Variants in MYH10 observed in about 807,000 individuals in gnomAD.
MYH10 encodes myosin-10.
Under a neutral mutation model 257.8 loss-of-function variants are expected in MYH10, and 55 were observed. That is an observed-to-expected ratio of 0.21 (90% CI 0.17 to 0.27). The LOEUF (loss-of-function observed/expected upper bound fraction) is 0.27. Ranked by LOEUF, MYH10 falls within the 10% of genes least tolerant of loss-of-function variation. The pLI is 1.00. For missense variants in MYH10, 1,631 were observed against 2,500.6 expected (o/e 0.65, Z 7.42); for synonymous variants, 854 against 921.7 (o/e 0.93, Z 1.33).
intron 17 of MYH10, among the ~76,000 whole-genome samples, chr17:8,526,301 G>A (rs145029752): frequency 0.011 from 1,615 of 152,284 alleles, 30 homozygotes; most frequent in African/African-American, 0.037. Flanking sequence ...CAGAAAATGC[G>A]AAGAGAAGAC....
At chr17:8,602,931 C>T (rs562547609) in intron 3 of MYH10, among the ~76,000 whole-genome samples, 1 of 152,150 alleles carries the variant, frequency 6.6e-6, no homozygotes, top group Non-Finnish European at 1.5e-5. Flanking sequence ...TATTCTAGCA[C>T]TAAAAATGAT....
At position 8,619,860 on chromosome 17, in the gene MYH10, G is replaced by A. The variant is rs191485305; in HGVS notation, c.345+3042C>T. On this transcript the variant is annotated intron_variant, in intron 2 of 42. Coordinates refer to ENST00000360416, the MANE Select transcript of MYH10 (RefSeq NM_001256012.3). ...AGAATCACTTGAACCGGGAGGCGGA[G>A]GTTGCGATGAGCCGAGATCGCACCA... Among the ~76,000 whole-genome samples the A allele has an allele frequency of 8.9e-4, 136 of 152,118 alleles. 1 individual carries two copies. The highest frequency in any genetic ancestry group is 3.1e-3 in the African/African-American group (128 of 41,474).
At chr17:8,486,228 G>A (rs1036751317) in intron 36 of MYH10, among the ~76,000 whole-genome samples, 4 of 152,164 alleles carry the variant, frequency 2.6e-5, no homozygotes, top group Admixed American at 6.5e-5. Flanking sequence ...TTTTGGGAGG[G>A]ACCAAAATGC....
rs535259525 is a variant in MYH10, at chr17:8,476,981, G to A, written c.5774C>T (p.Thr1925Met). 46 of 1,614,036 alleles carry A rather than the reference G, an allele frequency of 2.9e-5. No homozygotes were observed. Among genetic ancestry groups the A allele is most frequent in the Non-Finnish European group, 3.6e-5 (43 of 1,180,048 alleles). The part of the protein sequence containing the change: ...RQLEEAEEEA[T>M]RANASRRKLQ... ...TTTACGCCGAGATGCGTTGGCACGC[G>A]TCGCTTCTTCTTCTGCTTCCTCCAG... Residue 1925 changes from threonine to methionine, a missense_variant, in exon 42 of 43, where the codon ACG (threonine) becomes ATG (methionine). Transcript: ENST00000360416.
intron 37 of MYH10, among the ~76,000 whole-genome samples, chr17:8,483,923 A>G (rs1435197017): frequency 3.3e-5 from 5 of 152,242 alleles, no homozygotes; most frequent in Non-Finnish European, 7.3e-5. Context: ...GTAGAGGAAT[A>G]TATGTGAGCA....
At chr17:8,598,396 G>C (rs1345819834) in intron 3 of MYH10, among the ~76,000 whole-genome samples, 1 of 152,120 alleles carries the variant, frequency 6.6e-6, no homozygotes, top group East Asian at 1.9e-4. Context: ...CCAGCTCTTA[G>C]TTGTACTTAC....
At position 8,477,155 on chromosome 17, in the gene MYH10, G is replaced by A; in HGVS notation, c.5707-107C>T. 1.5e-6 allele frequency: 2 copies of A among 1,300,666 alleles called. No homozygotes were observed. Among genetic ancestry groups the A allele is most frequent in the South Asian group, 1.3e-5 (1 of 76,142 alleles). 80.6% of individuals were successfully genotyped at this position (1,300,666 alleles called of 1,614,324 possible). On this transcript the variant is annotated intron_variant, in intron 41 of 42. Coordinates refer to ENST00000360416, the MANE Select transcript of MYH10 (RefSeq NM_001256012.3). The surrounding 1 kb of genome is among the most constrained non-coding windows in gnomAD (Gnocchi z 4.2). ...GGGGCTCTGCCTGTTACCCTTGTGA[G>A]CACGCGTGTACACGGATGTACACGC... is the stretch of plus-strand genomic sequence containing the variant.
chr17:8,579,955 C>T (rs1050615912), intron 4 of MYH10, among the ~76,000 whole-genome samples: 3 of 152,078 alleles, frequency 2.0e-5, no homozygotes, highest in African/African-American at 7.2e-5. Flanking sequence ...CATTCATTCT[C>T]AGGTGATATA....
In MYH10 at chr17:8,478,418, G is replaced by A. The variant is rs1913067955; in HGVS notation, c.5626C>T (p.Arg1876Cys). The part of the protein sequence containing the change: ...KERAAANKLV[R>C]RTEKKLKEIF... ...TCTTTCAGCTTCTTCTCAGTGCGACGGACTAATTTGTTGGCGGCTGCTCGT... is the reference window on the plus strand; with the variant it reads ...TCTTTCAGCTTCTTCTCAGTGCGACAGACTAATTTGTTGGCGGCTGCTCGT... The change falls in exon 41 of 43, where the codon CGT (arginine) becomes TGT (cysteine). Residue 1876 changes from arginine to cysteine, a missense_variant. This residue lies in a region of MYH10 where 343 missense variants were observed against 389.5 expected (regional missense o/e 0.88). Transcript: ENST00000360416. 8 of 1,614,202 alleles carry A rather than the reference G, an allele frequency of 5.0e-6. No homozygotes were observed. The highest frequency in any genetic ancestry group is 6.8e-6 in the Non-Finnish European group (8 of 1,180,046).
At chr17:8,584,241 T>A (rs1472526080) in intron 4 of MYH10, among the ~76,000 whole-genome samples, 1 of 152,180 alleles carries the variant, frequency 6.6e-6, no homozygotes, top group East Asian at 1.9e-4. Context: ...TGGGGAACTA[T>A]GGGCAGATAA....
At chr17:8,530,545 TG>T (rs1288158815) in intron 17 of MYH10, 77 bp downstream of exon 17, 2 of 57,306 alleles carry the variant, frequency 3.5e-5, no homozygotes, top group Non-Finnish European at 7.0e-5. Context: ...CCGGCCACCC[TG>T]CCAGTCCCCC....
chr17:8,552,090 T>C lies in MYH10; in HGVS notation c.875A>G (p.His292Arg). The change falls in exon 9 of 43, where the codon CAT becomes CGT. Residue 292 changes from histidine to arginine, a missense_variant. By Grantham distance (29) the His-to-Arg change is conservative. Around this residue, in one of 11 missense-constraint regions of MYH10, gnomAD observed 360 missense variants for 581.9 expected, o/e 0.62. Transcript: ENST00000360416. The surrounding 1 kb of genome is among the most constrained non-coding windows in gnomAD (Gnocchi z 4.8). ...TCCAGATAACAACTGGTAAAAGATATGAAAAGTACGTTCATCTTTTGCTTG... is the reference window on the plus strand; with the variant it reads ...TCCAGATAACAACTGGTAAAAGATACGAAAAGTACGTTCATCTTTTGCTTG... ...VRQAKDERTF[H>R]IFYQLLSGAG... is the part of the protein sequence containing the mutation. The C allele has an allele frequency of 6.4e-7, 1 of 1,564,626 alleles. No homozygotes were observed. Among genetic ancestry groups the C allele is most frequent in the Non-Finnish European group, 8.7e-7 (1 of 1,151,094 alleles).
At chr17:8,495,283 A>G (rs1331351202) in intron 30 of MYH10, 42 bp from the exon 31 acceptor site, 3 of 1,258,848 alleles carry the variant, frequency 2.4e-6, no homozygotes, top group Non-Finnish European at 3.5e-6. Context: ...ATAGTAAGCA[A>G]GCAGAAAGGG....
rs375815298 is a variant in MYH10 at position 8,623,509 on chromosome 17, AAAAAGAAAAG to A, written c.-31-242_-31-233del. ...TTTGCCCTCAGTTACTGAGGGCAAA[AAAAAGAAAAG>A]AAAAGAAAAGAAAAGGCAAAGTTAC... On this transcript the variant is annotated intron_variant, in intron 1 of 42. Coordinates refer to ENST00000360416, the MANE Select transcript of MYH10 (RefSeq NM_001256012.3). 5.9e-5 allele frequency: 15 copies of A among 253,964 alleles called. No individual in the cohort carries two copies. The South Asian group carries it at 2.4e-3, about 40-fold the overall frequency. 15.7% of individuals were successfully genotyped at this position (253,964 alleles called of 1,614,324 possible).
In MYH10 at chr17:8,480,110, T is replaced by G; in HGVS notation, c.5597A>C (p.Lys1866Thr). The change falls in exon 40 of 43, where the codon AAG (lysine) becomes ACG (threonine). Residue 1866 changes from lysine to threonine, a missense_variant and splice_region_variant. By Grantham distance (78) the Lys-to-Thr change is moderately conservative. Coordinates refer to ENST00000360416, the MANE Select transcript of MYH10 (RefSeq NM_001256012.3). ...GTTTACGGTAGCAAAAACCTCTTACTTGGCTTCCTGCTCAAGCTGCTCCTC... is the reference window on the plus strand; with the variant it reads ...GTTTACGGTAGCAAAAACCTCTTACGTGGCTTCCTGCTCAAGCTGCTCCTC... ...QLEEQLEQEA[K>T]ERAAANKLVR... The G allele has an allele frequency of 6.2e-7, 1 of 1,614,064 alleles. No homozygotes were observed. Among genetic ancestry groups the G allele is most frequent in the Non-Finnish European group, 8.5e-7 (1 of 1,179,966 alleles).
In MYH10 at chr17:8,561,597, T is replaced by G. The variant is rs147761855; in HGVS notation, c.757-7579A>C. On this transcript the variant is annotated intron_variant, in intron 7 of 42. Transcript: ENST00000360416. ...TGTAAGGAGCTGAGTTCTTAAAGAC[T>G]GAAGACAGACTATTCTCTGGAGAAA... 2.0e-4 allele frequency: 153 copies of G among 768,972 alleles called. 1 individual carries two copies. The African/African-American group carries it at 2.2e-3, about 11-fold the overall frequency. 47.6% of individuals were successfully genotyped at this position (768,972 alleles called of 1,614,324 possible). A position where few individuals can be genotyped will look rare whatever the true frequency, so the allele number is the denominator to read the frequency against.
Position 8,504,251 on chromosome 17 carries a change from T to G in MYH10, c.3599+443A>C, listed in dbSNP as rs1377941086. 1.3e-5 allele frequency among the ~76,000 whole-genome samples: 2 copies of G among 151,982 alleles called. No individual in the cohort carries two copies. The highest frequency in any genetic ancestry group is 2.9e-5 in the Non-Finnish European group (2 of 67,958). On this transcript the variant is annotated intron_variant, in intron 28 of 42. Coordinates refer to ENST00000360416, the MANE Select transcript of MYH10 (RefSeq NM_001256012.3). This position sits in a 1 kb window ranked among gnomAD's most constrained non-coding sequence, Gnocchi z 5.6. The stretch of plus-strand genomic sequence containing the variant: ...CTTCTCACCCTTGTGAAGGCACCCT[T>G]CCCTTTTCAGCTGGTTACCTACACC...
intron 23 of MYH10, 88 bp from the exon 24 acceptor site, chr17:8,512,745 T>G (rs2081341535): frequency 2.0e-6 from 2 of 999,322 alleles, no homozygotes; most frequent in Non-Finnish European, 2.9e-6. Flanking sequence ...TCAATGCACA[T>G]CAAAGAAACT....
chr17:8,575,723 A>G (rs1025094101), intron 6 of MYH10, among the ~76,000 whole-genome samples: 2 of 152,222 alleles, frequency 1.3e-5, no homozygotes, highest in African/African-American at 4.8e-5. Flanking sequence ...TTATATCATT[A>G]TGTTTGTGGA....
Sources: allele counts gnomAD v4.1 joint callset (sites outside exome capture counted in the v4.1 genomes callset), GRCh38; gene constraint gnomAD v4.1.1; regional missense constraint gnomAD v4.1.1; non-coding constraint Gnocchi (gnomAD v3.1); transcripts MANE v1.5; gene names NCBI Gene and HGNC (gene_info 2026-07-23, HGNC 2026-07-21).